Variants in KBTBD11 observed in about 807,000 individuals in gnomAD.
KBTBD11 encodes kelch repeat and BTB domain containing 11, also known as kelch repeat and BTB domain-containing protein 11.
For synonymous variants in KBTBD11, 747 were observed against 499.0 expected, an observed-to-expected ratio of 1.50 and a Z score of -6.63; for missense variants, 1,390 against 1,001.8, an observed-to-expected ratio of 1.39 and a Z score of -5.23.
rs1055096709 is a variant in KBTBD11 at position 2,002,143 on chromosome 8, G to A, written c.951G>A (p.Gly317=). 17 of 1,171,754 alleles carry A rather than the reference G, an allele frequency of 1.5e-5. No individual in the cohort carries two copies. In the African/African-American group the frequency reaches 2.6e-4, roughly 18 times the overall value. 72.6% of individuals were successfully genotyped at this position (1,171,754 alleles called of 1,614,324 possible). Residue 317 remains glycine (G), a synonymous_variant, in exon 2 of 2, where the codon GGG becomes GGA. Transcript: ENST00000320248. This position sits in a 1 kb window ranked among gnomAD's most constrained non-coding sequence, Gnocchi z 4.1. ...RAGSRPQSPS[G]DADARGDAAV... ...GCAGCCGGCCTCAGAGCCCCTCGGG[G>A]GACGCGGACGCGCGCGGGGACGCGG...
chr8:1,981,622 C>T (rs1342297206), intron 1 of KBTBD11, among the ~76,000 whole-genome samples: 2 of 152,182 alleles, frequency 1.3e-5, no homozygotes, highest in Non-Finnish European at 2.9e-5. Context: ...AAGATTTGCC[C>T]TCAGTACCGT....
At chr8:1,991,891 A>G (rs1042981858) in intron 1 of KBTBD11, among the ~76,000 whole-genome samples, 3 of 152,170 alleles carry the variant, frequency 2.0e-5, no homozygotes, top group Admixed American at 2.0e-4. Flanking sequence ...AGGCTTCCAA[A>G]CACCTTGACC....
chr8:2,000,292 A>T lies in KBTBD11; in HGVS notation c.-901A>T, dbSNP rs1006718504. The T allele has an allele frequency of 1.3e-5, 2 of 152,226 alleles. No individual in the cohort carries two copies. Among genetic ancestry groups the T allele is most frequent in the Admixed American group, 6.5e-5 (1 of 15,278 alleles). 9.4% of individuals were successfully genotyped at this position (152,226 alleles called of 1,614,324 possible). A position where few individuals can be genotyped will look rare whatever the true frequency, so the allele number is the denominator to read the frequency against. On this transcript the variant is annotated 5_prime_UTR_variant, in exon 2 of 2. Coordinates refer to ENST00000320248, the MANE Select transcript of KBTBD11 (RefSeq NM_014867.3). ...TTTTTGTCCTATAAACAGGAACAAG[A>T]GTGTGGTGAGAGGACGCGGAAACAC... is the stretch of plus-strand genomic sequence containing the variant.
intron 1 of KBTBD11, among the ~76,000 whole-genome samples, chr8:1,985,381 A>T (rs896071792): frequency 1.3e-5 from 2 of 152,204 alleles, no homozygotes; most frequent in African/African-American, 4.8e-5. Context: ...TTCCTCTGAA[A>T]CTGTCTCATG....
Position 2,002,038 on chromosome 8 carries a change from C to CCTG in KBTBD11, c.854_856dup (p.Leu285dup), listed in dbSNP as rs1817392139. The CCTG allele has an allele frequency of 7.7e-7, 1 of 1,290,498 alleles. No individual in the cohort carries two copies. The highest frequency in any genetic ancestry group is 3.9e-5 in the East Asian group (1 of 25,346). 79.9% of individuals were successfully genotyped at this position (1,290,498 alleles called of 1,614,324 possible). On this transcript the variant is annotated inframe_insertion, in exon 2 of 2. Coordinates refer to ENST00000320248, the MANE Select transcript of KBTBD11 (RefSeq NM_014867.3). The surrounding 1 kb of genome is among the most constrained non-coding windows in gnomAD (Gnocchi z 4.1). ...GCCGCCTGTCGGGCGCAGAGCGGGA[C>CCTG]CTGCTGCTGCGCCGCCGCCTGCGCG...
rs1402268372 is a variant in KBTBD11, at chr8:2,001,051, A to G, written c.-142A>G. The stretch of plus-strand genomic sequence containing the variant: ...CCCCCCTTCACACACACAACAACAA[A>G]GCGTGGACACACAGAAGTGAAATCT... On this transcript the variant is annotated 5_prime_UTR_variant, in exon 2 of 2. Coordinates refer to ENST00000320248, the MANE Select transcript of KBTBD11 (RefSeq NM_014867.3). 5 of 1,108,566 alleles carry G rather than the reference A, an allele frequency of 4.5e-6. No homozygotes were observed. Among genetic ancestry groups the G allele is most frequent in the South Asian group, 3.6e-5 (1 of 27,514 alleles). 68.7% of individuals were successfully genotyped at this position (1,108,566 alleles called of 1,614,324 possible).
Position 1,983,221 on chromosome 8 carries a change from C to G in KBTBD11, c.-909+9286C>G, listed in dbSNP as rs1407002457. 1.3e-5 allele frequency among the ~76,000 whole-genome samples: 2 copies of G among 152,184 alleles called. 1 individual carries two copies. On this transcript the variant is annotated intron_variant, in intron 1 of 1. Coordinates refer to ENST00000320248, the MANE Select transcript of KBTBD11 (RefSeq NM_014867.3). ...GCCTTGGGCATAGTCTGCTGTGTCCCCAGTGAATCCTGCCGCCTCTGCTGC... is the reference window on the plus strand; with the variant it reads ...GCCTTGGGCATAGTCTGCTGTGTCCGCAGTGAATCCTGCCGCCTCTGCTGC...
rs902358324 is a variant in KBTBD11 at position 2,003,934 on chromosome 8, C to A, written c.*870C>A. 15 of 166,852 alleles carry A rather than the reference C, an allele frequency of 9.0e-5. No individual in the cohort carries two copies. The highest frequency in any genetic ancestry group is 2.1e-4 in the Non-Finnish European group (14 of 68,114). The allele number at this position is 166,852 out of a possible 1,614,324, so 10.3% of individuals were successfully genotyped here. ...ATAGTCCACTCTGTATGCCCAGCCGCTTTCATAATCTGGAACGAGATAAAA... is the reference window on the plus strand; with the variant it reads ...ATAGTCCACTCTGTATGCCCAGCCGATTTCATAATCTGGAACGAGATAAAA... On this transcript the variant is annotated 3_prime_UTR_variant, in exon 2 of 2. Coordinates refer to ENST00000320248, the MANE Select transcript of KBTBD11 (RefSeq NM_014867.3).
In KBTBD11 at chr8:2,002,658, G is replaced by T. The variant is rs775035132; in HGVS notation, c.1466G>T (p.Arg489Leu). The change falls in exon 2 of 2, where the codon CGC (arginine) becomes CTC (leucine). Residue 489 changes from arginine (R) to leucine (L), a missense_variant. Coordinates refer to ENST00000320248, the MANE Select transcript of KBTBD11 (RefSeq NM_014867.3). This position sits in a 1 kb window ranked among gnomAD's most constrained non-coding sequence, Gnocchi z 4.1. ...CAGGAGTGCCCGTGCAGCAGCAGCC[G>T]CGAGCGCTCGGCCGACATGGTGGCT... is the stretch of plus-strand genomic sequence containing the variant. The part of the protein sequence containing the change: ...EWQECPCSSS[R>L]ERSADMVALD... 2 of 1,574,076 alleles carry T rather than the reference G, an allele frequency of 1.3e-6. No individual in the cohort carries two copies. Among genetic ancestry groups the T allele is most frequent in the Admixed American group, 1.8e-5 (1 of 56,856 alleles).
Position 2,001,576 on chromosome 8 carries a change from C to A in KBTBD11, c.384C>A (p.Pro128=). 6.9e-7 allele frequency: 1 copy of A among 1,448,214 alleles called. No individual in the cohort carries two copies. Among genetic ancestry groups the A allele is most frequent in the Non-Finnish European group, 9.0e-7 (1 of 1,106,140 alleles). The allele number at this position is 1,448,214 out of a possible 1,614,324, so 89.7% of individuals were successfully genotyped here. A position where few individuals can be genotyped will look rare whatever the true frequency, so the allele number is the denominator to read the frequency against. The part of the protein sequence containing the change: ...ASPEEPGEPA[P]VPPGFGAVYG... ...CCGAGGAGCCCGGGGAGCCCGCGCC[C>A]GTACCCCCGGGGTTCGGGGCGGTGT... is the stretch of plus-strand genomic sequence containing the variant. Residue 128 remains proline, a synonymous_variant, in exon 2 of 2, where the codon CCC becomes CCA. Coordinates refer to ENST00000320248, the MANE Select transcript of KBTBD11 (RefSeq NM_014867.3).
At chr8:1,980,238 T>TTTTA in intron 1 of KBTBD11, among the ~76,000 whole-genome samples, 1 of 150,110 alleles carries the variant, frequency 6.7e-6, no homozygotes. Context: ...CTTTTTTTTT[T>TTTTA]TTTTTTTGAG....
chr8:1,985,285 G>A (rs1320951321), intron 1 of KBTBD11, among the ~76,000 whole-genome samples: 14 of 152,360 alleles, frequency 9.2e-5, no homozygotes, highest in Admixed American at 3.9e-4. Flanking sequence ...TCAGGAGCTC[G>A]TCAGAGCAAA....
At chr8:1,979,043 C>G (rs12675904) in intron 1 of KBTBD11, among the ~76,000 whole-genome samples, 113,653 of 152,116 alleles carry the variant, frequency 0.75, 42,645 homozygotes, top group South Asian at 0.85. Context: ...CAGGGAAACA[C>G]AACCAACTGG....
intron 1 of KBTBD11, among the ~76,000 whole-genome samples, chr8:1,997,774 C>T (rs1408879670): frequency 6.6e-6 from 1 of 152,222 alleles, no homozygotes; most frequent in Non-Finnish European, 1.5e-5. Flanking sequence ...TGTGATTCCT[C>T]CCAGTGAGAG....
chr8:1,999,893 A>G (rs1489336246), intron 1 of KBTBD11, among the ~76,000 whole-genome samples: 3 of 152,218 alleles, frequency 2.0e-5, no homozygotes, highest in African/African-American at 4.8e-5. Context: ...TTCTCACTAA[A>G]AGGAGTTCTT....
At chr8:1,984,070 C>T (rs1031085754) in intron 1 of KBTBD11, among the ~76,000 whole-genome samples, 2 of 152,182 alleles carry the variant, frequency 1.3e-5, no homozygotes, top group Non-Finnish European at 2.9e-5. Flanking sequence ...GTAGAGGTTG[C>T]AGTGAGCCAA....
chr8:1,980,623 G>A (rs1816509166), intron 1 of KBTBD11, among the ~76,000 whole-genome samples: 1 of 152,250 alleles, frequency 6.6e-6, no homozygotes, highest in South Asian at 2.1e-4. Flanking sequence ...TCTGCATCGG[G>A]CTGTGGCATG....
chr8:1,975,468 A>C (rs1816303853), intron 1 of KBTBD11, among the ~76,000 whole-genome samples: 1 of 152,196 alleles, frequency 6.6e-6, no homozygotes, highest in South Asian at 2.1e-4. Context: ...ATTGTGTTAC[A>C]ATTGCCTGCG....
At chr8:1,991,548 A>C (rs1341631859) in intron 1 of KBTBD11, among the ~76,000 whole-genome samples, 15 of 151,222 alleles carry the variant, frequency 9.9e-5, no homozygotes, top group African/African-American at 3.7e-4. Flanking sequence ...CAGCTCTGTG[A>C]TCCATGAGGG....
Sources: gnomAD v4.1 joint callset for allele counts (sites outside exome capture counted in the v4.1 genomes callset) on GRCh38, gnomAD v4.1.1 for gene constraint, Gnocchi (gnomAD v3.1) non-coding constraint, MANE v1.5 for transcripts, NCBI Gene and HGNC (gene_info 2026-07-23, HGNC 2026-07-21) for gene names.